The following PTP4A3 variants were observed in gnomAD, a reference collection of about 807,000 sequenced individuals.
PTP4A3 encodes protein tyrosine phosphatase 4A3.
In PTP4A3, 9 loss-of-function variants were observed where a neutral mutation model predicts 15.2. The observed-to-expected ratio is 0.59, with a 90% CI of 0.36 to 1.03. The LOEUF (loss-of-function observed/expected upper bound fraction) is 1.03. Ranked by LOEUF, PTP4A3 falls within the 50% of genes least tolerant of loss-of-function variation. The probability of loss-of-function intolerance (pLI) is 0.02; values close to 1 mark genes in which losing one functional copy is unlikely to be tolerated. For synonymous variants in PTP4A3, 95 were observed against 102.0 expected, an observed-to-expected ratio of 0.93 and a Z score of 0.41; for missense variants, 234 against 252.1, an observed-to-expected ratio of 0.93 and a Z score of 0.49.
At chr8:141,430,822 G>T in intron 5 of PTP4A3, 105 bp from the exon 6 acceptor site, 1 of 1,081,432 alleles carries the variant, frequency 9.2e-7, no homozygotes, top group African/African-American at 1.6e-5. Context: ...CAGCCTCAAG[G>T]CCTTACTCCA....
At chr8:141,407,132 C>T (rs2129901014) in intron 1 of PTP4A3, among the ~76,000 whole-genome samples, 1 of 152,346 alleles carries the variant, frequency 6.6e-6, no homozygotes, top group African/African-American at 2.4e-5. Flanking sequence ...CTGGCACAGC[C>T]CGGACAGAAC....
chr8:141,428,819 GGTGTGTGAACACAGGCAC>G (rs1435744760), intron 5 of PTP4A3, among the ~76,000 whole-genome samples: 2 of 152,198 alleles, frequency 1.3e-5, no homozygotes, highest in East Asian at 3.8e-4. Context: ...CTCACAGGCA[GGTGTGTGAACACAGGCAC>G]ATACAGACAA....
intron 1 of PTP4A3, among the ~76,000 whole-genome samples, chr8:141,415,531 C>T (rs1052127866): frequency 2.7e-5 from 4 of 148,656 alleles, no homozygotes; most frequent in African/African-American, 7.4e-5. Context: ...AGGCCCCAGC[C>T]GGAGCGTTCC....
intron 2 of PTP4A3, among the ~76,000 whole-genome samples, chr8:141,423,814 C>T (rs1002982481): frequency 2.0e-5 from 3 of 151,776 alleles, no homozygotes; most frequent in Non-Finnish European, 4.4e-5. Flanking sequence ...CATCCTGTGA[C>T]CAGGGTTAAC....
intron 1 of PTP4A3, among the ~76,000 whole-genome samples, chr8:141,395,440 C>T (rs9772840): frequency 0.31 from 47,255 of 152,114 alleles, 7,575 homozygotes; most frequent in East Asian, 0.54. Context: ...GGTTTGGAAG[C>T]GGAACTGAGG....
At position 141,426,962 on chromosome 8, in the gene PTP4A3, G is replaced by GC. The variant is rs757073162; in HGVS notation, c.227dup (p.Pro77AlafsTer18). The GC allele has an allele frequency of 1.2e-6, 2 of 1,610,534 alleles. No individual in the cohort carries two copies. Among genetic ancestry groups the GC allele is most frequent in the Non-Finnish European group, 8.5e-7 (1 of 1,179,832 alleles). ...AGGACTGGCCGTTTGACGATGGGGC[G>GC]CCCCCGCCCGGCAAGGTAGTGGAAG... On this transcript the variant is annotated frameshift_variant, in exon 4 of 6. Coordinates refer to ENST00000521578, the MANE Select transcript of PTP4A3 (RefSeq NM_032611.3). LOFTEE classifies it high-confidence loss of function.
chr8:141,429,254 C>A (rs1316414883), intron 5 of PTP4A3, among the ~76,000 whole-genome samples: 1 of 152,270 alleles, frequency 6.6e-6, no homozygotes, highest in Non-Finnish European at 1.5e-5. Context: ...TGCAGCTTTG[C>A]TGGGCAGAGA....
Position 141,425,181 on chromosome 8 carries a change from C to CCCGG in PTP4A3, c.198+41_198+42insCCGG. 5.8e-6 allele frequency: 2 copies of CCCGG among 345,458 alleles called. No homozygotes were observed. Among genetic ancestry groups the CCCGG allele is most frequent in the Non-Finnish European group, 1.1e-5 (2 of 179,014 alleles). 21.4% of individuals were successfully genotyped at this position (345,458 alleles called of 1,614,324 possible). On this transcript the variant is annotated intron_variant, in intron 3 of 5. Transcript: ENST00000521578. The surrounding 1 kb of genome is among the most constrained non-coding windows in gnomAD (Gnocchi z 4.2). ...CGGGGACCCTAGTCACTGCTGCCACCGGGGGAGGGTGGGGCGGGGGGCTCC... is the reference window on the plus strand; with the variant it reads ...CGGGGACCCTAGTCACTGCTGCCACCCCGGGGGGGAGGGTGGGGCGGGGGGCTCC...
intron 3 of PTP4A3, chr8:141,426,480 C>G (rs963305926): frequency 2.0e-6 from 2 of 985,360 alleles, no homozygotes; most frequent in Non-Finnish European, 2.4e-6. Context: ...TTCCTGGCAC[C>G]TGGGCTGTGT....
At chr8:141,417,206 G>A (rs895667490) in intron 1 of PTP4A3, among the ~76,000 whole-genome samples, 4 of 152,280 alleles carry the variant, frequency 2.6e-5, no homozygotes, top group Non-Finnish European at 4.4e-5. Context: ...TGTGGAGCCC[G>A]CCGCCTGGCT....
chr8:141,421,180 C>G (rs1445863906), intron 1 of PTP4A3, among the ~76,000 whole-genome samples: 1 of 152,214 alleles, frequency 6.6e-6, no homozygotes, highest in Non-Finnish European at 1.5e-5. Context: ...CCTCTGGGCC[C>G]TGGGTCAGTC....
rs752025617 is a variant in PTP4A3 at position 141,422,227 on chromosome 8, C to G, written c.-14C>G. 3 of 1,612,766 alleles carry G rather than the reference C, an allele frequency of 1.9e-6. No individual in the cohort carries two copies. The highest frequency in any genetic ancestry group is 2.5e-6 in the Non-Finnish European group (3 of 1,179,882). ...GCAGTCCCTTCTGCCCTGCCGGGCC[C>G]GTCGGGAGGCGCCATGGCTCGGATG... is the stretch of plus-strand genomic sequence containing the variant. On this transcript the variant is annotated 5_prime_UTR_variant, in exon 2 of 6. Coordinates refer to ENST00000521578, the MANE Select transcript of PTP4A3 (RefSeq NM_032611.3).
intron 1 of PTP4A3, among the ~76,000 whole-genome samples, chr8:141,411,033 C>T (rs978703972): frequency 6.6e-6 from 1 of 152,158 alleles, no homozygotes; most frequent in Non-Finnish European, 1.5e-5. Flanking sequence ...GCAGCACTGG[C>T]GTTGTGGGCT....
chr8:141,424,161 G>A (rs1280404779), intron 2 of PTP4A3, among the ~76,000 whole-genome samples: 3 of 152,094 alleles, frequency 2.0e-5, no homozygotes, highest in African/African-American at 7.2e-5. Context: ...CAGATAGTTG[G>A]GTGCTGGCCT....
At chr8:141,403,566 A>T (rs1487226372) in intron 1 of PTP4A3, among the ~76,000 whole-genome samples, 1 of 152,248 alleles carries the variant, frequency 6.6e-6, no homozygotes, top group Non-Finnish European at 1.5e-5. Flanking sequence ...GTTGATAGAG[A>T]TAGATAAGAG....
At chr8:141,395,267 T>C (rs1832416386) in intron 1 of PTP4A3, among the ~76,000 whole-genome samples, 1 of 152,198 alleles carries the variant, frequency 6.6e-6, no homozygotes, top group Non-Finnish European at 1.5e-5. Context: ...ACCTCACTTA[T>C]CCTTTGAGCT....
chr8:141,400,619 C>G (rs1158915198), intron 1 of PTP4A3, among the ~76,000 whole-genome samples: 1 of 152,216 alleles, frequency 6.6e-6, no homozygotes, highest in African/African-American at 2.4e-5. Context: ...ATGTGCGTCT[C>G]GGCACCGGGG....
At chr8:141,404,127 C>T (rs971762355) in intron 1 of PTP4A3, among the ~76,000 whole-genome samples, 2 of 152,240 alleles carry the variant, frequency 1.3e-5, no homozygotes, top group Admixed American at 6.5e-5. Context: ...ATGGGGGAGC[C>T]GGAGGACAGG....
intron 1 of PTP4A3, among the ~76,000 whole-genome samples, chr8:141,398,789 C>T (rs1342917958): frequency 6.6e-6 from 1 of 152,078 alleles, no homozygotes; most frequent in Non-Finnish European, 1.5e-5. Context: ...TCTCTTGGAC[C>T]TCAGTTTCCC....
Sources: gnomAD v4.1 joint callset for allele counts (sites outside exome capture counted in the v4.1 genomes callset) on GRCh38, gnomAD v4.1.1 for gene constraint, Gnocchi (gnomAD v3.1) non-coding constraint, MANE v1.5 for transcripts, NCBI Gene and HGNC (gene_info 2026-07-23, HGNC 2026-07-21) for gene names.